Variants in CLSTN1 observed in about 807,000 individuals in gnomAD.
The protein encoded by CLSTN1 is calsyntenin-1.
CLSTN1 carries 28 observed loss-of-function variants against 108.3 expected under a neutral mutation model. The observed-to-expected ratio is 0.26, with a 90% CI of 0.19 to 0.35. CLSTN1 has a LOEUF of 0.35. Among genes scored for constraint, CLSTN1 ranks in the 10% least tolerant of loss-of-function variants. CLSTN1 has a pLI of 1.00. For synonymous variants in CLSTN1, 524 were observed against 534.9 expected (o/e 0.98, Z 0.28); for missense variants, 1,157 against 1,302.6 (o/e 0.89, Z 1.72).
At chr1:9,758,558 C>CCCGCCT (rs1651926380) in intron 2 of CLSTN1, among the ~76,000 whole-genome samples, 1 of 152,084 alleles carries the variant, frequency 6.6e-6, no homozygotes, top group Non-Finnish European at 1.5e-5. Flanking sequence ...AAGTGATCCG[C>CCCGCCT]CCGCCTCCGC....
intron 2 of CLSTN1, 24 bp downstream of exon 2, chr1:9,773,248 A>C: frequency 6.2e-7 from 1 of 1,613,462 alleles, no homozygotes; most frequent in Non-Finnish European, 8.5e-7. Flanking sequence ...ATTCATCAAG[A>C]GTCAATGAAA....
At chr1:9,786,878 GGA>G (rs1653520619) in intron 1 of CLSTN1, among the ~76,000 whole-genome samples, 1 of 151,250 alleles carries the variant, frequency 6.6e-6, no homozygotes, top group Admixed American at 6.7e-5. Context: ...AAAAGACCAG[GGA>G]ATGAGCAGGA....
chr1:9,748,241 T>C (rs1651375722), intron 7 of CLSTN1, among the ~76,000 whole-genome samples: 1 of 152,166 alleles, frequency 6.6e-6, no homozygotes, highest in Non-Finnish European at 1.5e-5. Context: ...TGTTCTTCCC[T>C]CAACATCTTC....
At chr1:9,741,307 C>T (rs1381170626) in intron 9 of CLSTN1, 51 bp from the exon 10 acceptor site, 1 of 1,539,408 alleles carries the variant, frequency 6.5e-7, no homozygotes, top group African/African-American at 1.4e-5. Flanking sequence ...CTTTCCTTCT[C>T]ATCAATGCCC....
At chr1:9,752,310 A>G (rs1203369437) in intron 4 of CLSTN1, among the ~76,000 whole-genome samples, 1 of 152,186 alleles carries the variant, frequency 6.6e-6, no homozygotes, top group Non-Finnish European at 1.5e-5. Flanking sequence ...AGACCTGGCT[A>G]CAAATAAAAA....
rs1180041048 is a variant in CLSTN1 at position 9,786,829 on chromosome 1, G to A, written c.92-13435C>T. ...GCCTGAGAGCTACATCGGGCTCCTCGTGTTGGGGAGCGCAAGGCATGCATG... is the reference window on the plus strand; with the variant it reads ...GCCTGAGAGCTACATCGGGCTCCTCATGTTGGGGAGCGCAAGGCATGCATG... On this transcript the variant is annotated intron_variant, in intron 1 of 18. Transcript: ENST00000377298. 2.0e-5 allele frequency among the ~76,000 whole-genome samples: 3 copies of A among 151,238 alleles called. 1 individual carries two copies. In the East Asian group the frequency reaches 5.9e-4, roughly 30 times the overall value.
intron 10 of CLSTN1, among the ~76,000 whole-genome samples, chr1:9,738,289 C>A (rs1276213491): frequency 2.0e-5 from 3 of 152,158 alleles, no homozygotes; most frequent in South Asian, 2.1e-4. Context: ...ACACACACAG[C>A]GGCTAAGCAC....
In CLSTN1 at chr1:9,751,670, T is replaced by C. The variant is rs766434293; in HGVS notation, c.452A>G (p.His151Arg). Residue 151 changes from histidine to arginine, a missense_variant, in exon 5 of 19, where the codon CAT becomes CGT. His to Arg is a conservative substitution (Grantham distance 29, BLOSUM62 0). Coordinates refer to ENST00000377298, the MANE Select transcript of CLSTN1 (RefSeq NM_001009566.3). ...CTCATTCACGTCGTTCACCTGAATA[T>C]GAACAGTTGCTCTGGACAAAGGGAG... The part of the protein sequence containing the change: ...NVKKSHKATV[H>R]IQVNDVNEYA... The C allele has an allele frequency of 5.0e-5, 80 of 1,614,028 alleles. No individual in the cohort carries two copies. Among genetic ancestry groups the C allele is most frequent in the South Asian group, 7.7e-5 (7 of 91,090 alleles).
At chr1:9,804,946 A>T (rs1480938543) in intron 1 of CLSTN1, among the ~76,000 whole-genome samples, 1 of 151,924 alleles carries the variant, frequency 6.6e-6, no homozygotes, top group African/African-American at 2.4e-5. Context: ...ACACAGTGAA[A>T]CCCCGTCTCT....
At chr1:9,783,888 G>A (rs1264695701) in intron 1 of CLSTN1, among the ~76,000 whole-genome samples, 1 of 151,976 alleles carries the variant, frequency 6.6e-6, no homozygotes, top group Non-Finnish European at 1.5e-5. Flanking sequence ...AGCTACTTGG[G>A]AGGCTGAGAC....
At chr1:9,757,736 G>C (rs1262416022) in intron 2 of CLSTN1, among the ~76,000 whole-genome samples, 1 of 152,138 alleles carries the variant, frequency 6.6e-6, no homozygotes, top group Non-Finnish European at 1.5e-5. Context: ...TGAAAGCTCT[G>C]TTCTACCAAG....
chr1:9,802,370 C>A, intron 1 of CLSTN1, among the ~76,000 whole-genome samples: 1 of 152,204 alleles, frequency 6.6e-6, no homozygotes, highest in East Asian at 1.9e-4. Flanking sequence ...CTGCCCCAGC[C>A]AGACCATTTC....
chr1:9,764,637 TAAAAAA>T (rs70998307), intron 2 of CLSTN1, among the ~76,000 whole-genome samples: 1 of 82,334 alleles, frequency 1.2e-5, no homozygotes, highest in South Asian at 4.8e-4. Context: ...GCTCCATCTT[TAAAAAA>T]AAAAAAAAAA....
rs761687045 is a variant in CLSTN1 at position 9,731,280 on chromosome 1, C to T, written c.2674G>A (p.Asp892Asn). 3.1e-6 allele frequency: 5 copies of T among 1,614,144 alleles called. No homozygotes were observed. Among genetic ancestry groups the T allele is most frequent in the South Asian group, 2.2e-5 (2 of 91,092 alleles). The change falls in exon 18 of 19, where the codon GAT becomes AAT. Residue 892 changes from aspartate (D) to asparagine (N), a missense_variant. Transcript: ENST00000377298. ...TCGTTCTCCTTCCCGGTGTCCTGAT[C>T]CCGCATGGTCCGCCGATGTGCGGCC... ...IRAAHRRTMRDQDTGKENEMD... is the reference protein window; with the variant it reads ...IRAAHRRTMRNQDTGKENEMD...
chr1:9,780,774 G>T, intron 1 of CLSTN1: 1 of 165,228 alleles, frequency 6.1e-6, no homozygotes, highest in South Asian at 1.8e-4. Context: ...GTCTATACCT[G>T]ACTCATTTCA....
chr1:9,734,680 C>T lies in CLSTN1; in HGVS notation c.2110+268G>A, dbSNP rs1001270679. Among the ~76,000 whole-genome samples the T allele has an allele frequency of 1.1e-4, 17 of 151,998 alleles. No individual in the cohort carries two copies. Among genetic ancestry groups the T allele is most frequent in the African/African-American group, 3.1e-4 (13 of 41,368 alleles). On this transcript the variant is annotated intron_variant, in intron 14 of 18. Coordinates refer to ENST00000377298, the MANE Select transcript of CLSTN1 (RefSeq NM_001009566.3). This position sits in a 1 kb window ranked among gnomAD's most constrained non-coding sequence, Gnocchi z 4.8. The stretch of plus-strand genomic sequence containing the variant: ...CCTGGCAGGTGCAAGCAGTGTCTCC[C>T]GTAAGTGCCCTCAACCCCTCAACCT...
At chr1:9,739,130 G>A (rs1394162997) in intron 10 of CLSTN1, among the ~76,000 whole-genome samples, 2 of 152,122 alleles carry the variant, frequency 1.3e-5, no homozygotes, top group African/African-American at 4.8e-5. Flanking sequence ...ACTTGGATGG[G>A]AAAAATTACA....
chr1:9,793,060 T>C (rs1251909872), intron 1 of CLSTN1, among the ~76,000 whole-genome samples: 1 of 151,376 alleles, frequency 6.6e-6, no homozygotes, highest in Non-Finnish European at 1.5e-5. Context: ...CCGCCCAGGC[T>C]GGAGTGCAGT....
At position 9,803,072 on chromosome 1, in the gene CLSTN1, C is replaced by T. The variant is rs151202999; in HGVS notation, c.91+20571G>A. Among the ~76,000 whole-genome samples the T allele has an allele frequency of 4.7e-3, 711 of 152,252 alleles. 2 individuals are homozygous for T. Among genetic ancestry groups the T allele is most frequent in the African/African-American group, 0.015 (641 of 41,548 alleles). On this transcript the variant is annotated intron_variant, in intron 1 of 18. Transcript: ENST00000377298. ...CTCCTGGCTCAAGTGATCCTCCTGC[C>T]TCAGCCTCCCAAAGTGCTGGGATTA...
Sources: gnomAD v4.1 joint callset for allele counts (sites outside exome capture counted in the v4.1 genomes callset) on GRCh38, gnomAD v4.1.1 for gene constraint, Gnocchi (gnomAD v3.1) non-coding constraint, MANE v1.5 for transcripts, NCBI Gene and HGNC (gene_info 2026-07-23, HGNC 2026-07-21) for gene names.